The following EEIG2 variants were observed in gnomAD, a reference collection of about 807,000 sequenced individuals.
EEIG2 encodes the protein family with sequence similarity 102 member B.
the EEIG2 span, chr1:108,600,547 CT>C: frequency 1.3e-5 from 21 of 1,607,974 alleles, no homozygotes; most frequent in Admixed American, 1.7e-5. Context: ...TTAATTGGCT[CT>C]TTTTTTCTTT....
the EEIG2 span, among the ~76,000 whole-genome samples, chr1:108,634,202 T>C: frequency 1.3e-5 from 2 of 152,138 alleles, no homozygotes; most frequent in Non-Finnish European, 2.9e-5. Context: ...CTGCCCACCA[T>C]GGTTTCTTCA....
the EEIG2 span, among the ~76,000 whole-genome samples, chr1:108,590,791 C>T: frequency 1.3e-5 from 2 of 152,180 alleles, no homozygotes; most frequent in South Asian, 2.1e-4. Context: ...ATTACCAAGA[C>T]ATGGCATAAT....
At chr1:108,608,087 A>G in the EEIG2 span, among the ~76,000 whole-genome samples, 2 of 152,206 alleles carry the variant, frequency 1.3e-5, no homozygotes, top group African/African-American at 4.8e-5. Context: ...ATGAACACAC[A>G]AGTAAACACT....
chr1:108,628,537 T>C, the EEIG2 span: 3 of 1,614,006 alleles, frequency 1.9e-6, no homozygotes, highest in East Asian at 6.7e-5. Flanking sequence ...CTGAGCCAAA[T>C]CTTGATACAG....
the EEIG2 span, among the ~76,000 whole-genome samples, chr1:108,632,486 G>T: frequency 6.6e-6 from 1 of 152,120 alleles, no homozygotes; most frequent in East Asian, 1.9e-4. Context: ...TAATTTGAAG[G>T]GTAGATTAGA....
the EEIG2 span, among the ~76,000 whole-genome samples, chr1:108,584,756 CTG>C: frequency 6.6e-6 from 1 of 152,106 alleles, no homozygotes; most frequent in South Asian, 2.1e-4. Context: ...AGTATCACGT[CTG>C]TGTACCATCC....
At chr1:108,574,849 A>C in the EEIG2 span, among the ~76,000 whole-genome samples, 1 of 152,196 alleles carries the variant, frequency 6.6e-6, no homozygotes, top group Non-Finnish European at 1.5e-5. Flanking sequence ...TATTAGGCCA[A>C]ACCAATTATT....
At chr1:108,608,951 C>G in the EEIG2 span, among the ~76,000 whole-genome samples, 2 of 152,150 alleles carry the variant, frequency 1.3e-5, no homozygotes, top group African/African-American at 2.4e-5. Context: ...GAAGCAAGCT[C>G]TCTTTTGTCT....
At chr1:108,560,379 G>A in the EEIG2 span, 4 of 1,474,220 alleles carry the variant, frequency 2.7e-6, 1 homozygote, top group Non-Finnish European at 3.6e-6. Flanking sequence ...GCCAAGCTGA[G>A]GCGGCGGCGC....
chr1:108,574,682 G>A, the EEIG2 span, among the ~76,000 whole-genome samples: 2 of 152,206 alleles, frequency 1.3e-5, no homozygotes, highest in East Asian at 1.9e-4. Context: ...CCCAGGAGGC[G>A]GAGGTTGCAG....
the EEIG2 span, among the ~76,000 whole-genome samples, chr1:108,564,986 T>A: frequency 6.6e-6 from 1 of 152,072 alleles, no homozygotes; most frequent in East Asian, 1.9e-4. Flanking sequence ...TTAGTGAAAA[T>A]TAATTTTAGA....
chr1:108,608,027 G>C, the EEIG2 span, among the ~76,000 whole-genome samples: 1 of 151,914 alleles, frequency 6.6e-6, no homozygotes, highest in Non-Finnish European at 1.5e-5. Context: ...CTTAATTTAC[G>C]TGTGTCTGGC....
At chr1:108,576,887 G>T in the EEIG2 span, among the ~76,000 whole-genome samples, 5 of 152,048 alleles carry the variant, frequency 3.3e-5, no homozygotes, top group African/African-American at 1.2e-4. Flanking sequence ...CTTCCACAAT[G>T]GTTGAACTAG....
At chr1:108,613,203 G>T in the EEIG2 span, among the ~76,000 whole-genome samples, 1 of 152,170 alleles carries the variant, frequency 6.6e-6, no homozygotes, top group Admixed American at 6.5e-5. Flanking sequence ...ATAAACTTCT[G>T]TACACATCAT....
the EEIG2 span, among the ~76,000 whole-genome samples, chr1:108,593,039 T>C: frequency 4.4e-3 from 675 of 152,192 alleles, 1 homozygote; most frequent in Non-Finnish European, 7.1e-3. Flanking sequence ...ACACCTGTAG[T>C]CCTAGCTACT....
chr1:108,591,751 G>A, the EEIG2 span, among the ~76,000 whole-genome samples: 1 of 152,128 alleles, frequency 6.6e-6, no homozygotes, highest in Non-Finnish European at 1.5e-5. Context: ...ATGGGACACC[G>A]AGTTGCAGAG....
chr1:108,568,210 A>G, the EEIG2 span, among the ~76,000 whole-genome samples: 1 of 152,174 alleles, frequency 6.6e-6, no homozygotes, highest in Non-Finnish European at 1.5e-5. Context: ...TTTTGTAAAT[A>G]TTGAAAGAAA....
the EEIG2 span, chr1:108,625,777 TGTGTGTGTG>T: frequency 1.0e-4 from 1 of 9,962 alleles, no homozygotes; most frequent in African/African-American, 1.8e-4. Context: ...TCTCTCTCTG[TGTGTGTGTG>T]TGTGTGTGTG....
the EEIG2 span, among the ~76,000 whole-genome samples, chr1:108,608,209 T>G: frequency 6.6e-6 from 1 of 152,168 alleles, no homozygotes; most frequent in South Asian, 2.1e-4. Flanking sequence ...TGCTTATATT[T>G]CTCCCTCCTC....
Sources: gnomAD v4.1 joint callset for allele counts (sites outside exome capture counted in the v4.1 genomes callset) on GRCh38, gnomAD v4.1.1 for gene constraint, MANE v1.5 for transcripts, NCBI Gene and HGNC (gene_info 2026-07-23, HGNC 2026-07-21) for gene names.